PLRG1: variants seen among roughly 807,000 people sequenced by gnomAD.
The protein encoded by PLRG1 is pleiotropic regulator 1.
Under a neutral mutation model 74.9 loss-of-function variants are expected in PLRG1, and 28 were observed. That is an observed-to-expected ratio of 0.37 (90% CI 0.28 to 0.51). The LOEUF is 0.51. Among genes scored for constraint, PLRG1 ranks in the 20% least tolerant of loss-of-function variants. The pLI, the probability that PLRG1 is intolerant of heterozygous loss-of-function variation, is 0.91. For missense variants in PLRG1, 445 were observed against 631.9 expected (o/e 0.70, Z 3.17); for synonymous variants, 197 against 212.4 (o/e 0.93, Z 0.63).
chr4:154,549,457 T>A lies in PLRG1; in HGVS notation c.10-522A>T, dbSNP rs1369033086. Among the ~76,000 whole-genome samples, 3 of 152,166 alleles carry A rather than the reference T, an allele frequency of 2.0e-5. No individual in the cohort carries two copies. The East Asian group carries it at 5.8e-4, about 29-fold the overall frequency. On this transcript the variant is annotated intron_variant, in intron 1 of 14. Coordinates refer to ENST00000499023, the MANE Select transcript of PLRG1 (RefSeq NM_002669.4). ...AGAACGAACCAGGCTGATGGAAATGTCATGTAAAAAAAAGTTCAGTTAACT... is the reference window on the plus strand; with the variant it reads ...AGAACGAACCAGGCTGATGGAAATGACATGTAAAAAAAAGTTCAGTTAACT...
At chr4:154,548,992 A>G in intron 1 of PLRG1, 57 bp from the exon 2 acceptor site, 2 of 1,000,662 alleles carry the variant, frequency 2.0e-6, no homozygotes, top group Non-Finnish European at 1.6e-6. Flanking sequence ...ATCATAACCT[A>G]AAGTCAGATT....
At chr4:154,546,770 C>G in intron 4 of PLRG1, 1 of 527,204 alleles carries the variant, frequency 1.9e-6, no homozygotes, top group Non-Finnish European at 3.4e-6. Context: ...AATAACTAGG[C>G]CTGCAACAGT....
rs1729556032 is a variant in PLRG1, at chr4:154,541,542, A to G, written c.688-608T>C. Among the ~76,000 whole-genome samples the G allele has an allele frequency of 3.9e-5, 6 of 152,174 alleles. No individual in the cohort carries two copies. In the South Asian group the frequency reaches 1.2e-3, roughly 31 times the overall value. ...ATACAGAAAAAGTCTTATATACAAA[A>G]CTTAACAGCATTACTTGTAATGGTG... is the stretch of plus-strand genomic sequence containing the variant. On this transcript the variant is annotated intron_variant, in intron 8 of 14. Transcript: ENST00000499023.
chr4:154,548,763 T>C (rs938175604), intron 2 of PLRG1, 66 bp downstream of exon 2: 1 of 819,594 alleles, frequency 1.2e-6, no homozygotes, highest in Non-Finnish European at 2.1e-6. Flanking sequence ...TCCCTCTCCC[T>C]GCTCTCTTCC....
Position 154,536,478 on chromosome 4 carries a change from C to A in PLRG1, c.*207G>T, listed in dbSNP as rs11943987. The A allele has an allele frequency of 5.4e-3, 2,783 of 511,456 alleles. 53 individuals carry two copies. The highest frequency in any genetic ancestry group is 0.049 in the African/African-American group (2,476 of 50,592). The allele number at this position is 511,456 out of a possible 1,614,324, so 31.7% of individuals were successfully genotyped here. On this transcript the variant is annotated 3_prime_UTR_variant, in exon 15 of 15. Coordinates refer to ENST00000499023, the MANE Select transcript of PLRG1 (RefSeq NM_002669.4). The stretch of plus-strand genomic sequence containing the variant: ...CTTGATATCTGCATCTTCCTAGTAT[C>A]ACAAATTGTTTTAGAAATAAAAACA...
At chr4:154,537,588 T>C (rs1252626225) in intron 13 of PLRG1, 109 bp from the exon 14 acceptor site, 2 of 703,976 alleles carry the variant, frequency 2.8e-6, no homozygotes, top group Non-Finnish European at 4.7e-6. Context: ...GTTATAAAAA[T>C]ACATAAGACA....
chr4:154,548,705 C>A, intron 2 of PLRG1, 124 bp downstream of exon 2: 2 of 587,834 alleles, frequency 3.4e-6, no homozygotes, highest in Non-Finnish European at 6.1e-6. Context: ...GCCAAAACAC[C>A]ACTCATTATT....
intron 12 of PLRG1, among the ~76,000 whole-genome samples, chr4:154,538,526 G>A (rs1422600552): frequency 2.0e-5 from 3 of 151,738 alleles, no homozygotes; most frequent in African/African-American, 7.3e-5. Context: ...AGGCGAAATG[G>A]GAGTGAGAAA....
chr4:154,536,546 C>A lies in PLRG1; in HGVS notation c.*139G>T. The A allele has an allele frequency of 1.6e-6, 1 of 636,584 alleles. No individual in the cohort carries two copies. The allele number at this position is 636,584 out of a possible 1,614,324, so 39.4% of individuals were successfully genotyped here. A position where few individuals can be genotyped will look rare whatever the true frequency, so the allele number is the denominator to read the frequency against. On this transcript the variant is annotated 3_prime_UTR_variant, in exon 15 of 15. Coordinates refer to ENST00000499023, the MANE Select transcript of PLRG1 (RefSeq NM_002669.4). ...GGACAGTTTATTGTAAAATATGAAG[C>A]AGCAATGATTGAAGCAAGTGAATTT... is the stretch of plus-strand genomic sequence containing the variant.
At chr4:154,543,022 G>C (rs567212068) in intron 7 of PLRG1, among the ~76,000 whole-genome samples, 1 of 152,140 alleles carries the variant, frequency 6.6e-6, no homozygotes, top group East Asian at 1.9e-4. Flanking sequence ...GCACAATAGA[G>C]TGACTACAGT....
intron 6 of PLRG1, among the ~76,000 whole-genome samples, chr4:154,544,925 TCATTTTAA>T (rs1181734606): frequency 6.6e-6 from 1 of 152,236 alleles, no homozygotes; most frequent in African/African-American, 2.4e-5. Flanking sequence ...AATATTAAAG[TCATTTTAA>T]GTGTATTAGT....
rs551201192 is a variant in PLRG1 at position 154,548,918 on chromosome 4, A to G, written c.27T>C (p.Ser9=). 1.3e-6 allele frequency: 2 copies of G among 1,598,784 alleles called. No individual in the cohort carries two copies. Among genetic ancestry groups the G allele is most frequent in the Admixed American group, 1.7e-5 (1 of 59,996 alleles). ...ACGACCTGAACACAAGGGTGTGTAC[A>G]GAATGTTTCTGTACCTCCTAAAAAA... MVEEVQKH[S]VHTLVFRSLK... Residue 9 remains serine, a synonymous_variant, in exon 2 of 15, where the codon TCT becomes TCC. Transcript: ENST00000499023.
Position 154,537,191 on chromosome 4 carries a change from T to C in PLRG1, c.1485+95A>G, listed in dbSNP as rs556665387. The C allele has an allele frequency of 5.8e-5, 42 of 719,824 alleles. 1 individual carries two copies. The South Asian group carries it at 7.5e-4, about 13-fold the overall frequency. 44.6% of individuals were successfully genotyped at this position (719,824 alleles called of 1,614,324 possible). ...TCAAGAAGACAGATATCTTAAATACTATAAAGATTATTTTTCCTTCTGATA... is the reference window on the plus strand; with the variant it reads ...TCAAGAAGACAGATATCTTAAATACCATAAAGATTATTTTTCCTTCTGATA... On this transcript the variant is annotated intron_variant, in intron 14 of 14. Transcript: ENST00000499023.
intron 12 of PLRG1, among the ~76,000 whole-genome samples, chr4:154,538,583 T>C (rs1224185477): frequency 1.3e-5 from 2 of 150,118 alleles, no homozygotes; most frequent in Admixed American, 6.6e-5. Flanking sequence ...GTATGGAGAG[T>C]AGAAGACAGA....
chr4:154,540,385 G>A lies in PLRG1; in HGVS notation c.939+209C>T, dbSNP rs949831267. On this transcript the variant is annotated intron_variant, in intron 10 of 14. Transcript: ENST00000499023. ...TGAGAATATCACATTTCAGGGGCAG[G>A]GCACTAATAACACTAACATGGTGAG... 1.7e-5 allele frequency: 10 copies of A among 587,710 alleles called. No individual in the cohort carries two copies. The South Asian group carries it at 1.8e-4, about 10-fold the overall frequency. 36.4% of individuals were successfully genotyped at this position (587,710 alleles called of 1,614,324 possible). A position where few individuals can be genotyped will look rare whatever the true frequency, so the allele number is the denominator to read the frequency against.
At chr4:154,544,137 T>C (rs1729606041) in intron 7 of PLRG1, 2 of 189,642 alleles carry the variant, frequency 1.1e-5, no homozygotes, top group African/African-American at 4.7e-5. Flanking sequence ...TTATATGGTG[T>C]TTTTCCCCTT....
At chr4:154,538,394 A>G (rs751534522) in intron 12 of PLRG1, among the ~76,000 whole-genome samples, 6 of 152,044 alleles carry the variant, frequency 3.9e-5, no homozygotes, top group East Asian at 1.9e-4. Flanking sequence ...CAGAAGCCCT[A>G]TTTCACATGA....
intron 9 of PLRG1, 26 bp downstream of exon 9, chr4:154,540,758 GT>G (rs1450708104): frequency 7.4e-6 from 12 of 1,610,740 alleles, no homozygotes; most frequent in Admixed American, 3.3e-5. Context: ...AGTTCACAAT[GT>G]TTTAAATCCT....
At chr4:154,542,818 G>A (rs1019364552) in intron 7 of PLRG1, among the ~76,000 whole-genome samples, 17 of 152,244 alleles carry the variant, frequency 1.1e-4, no homozygotes, top group Admixed American at 3.3e-4. Context: ...TCTCATATAC[G>A]GGAGCTAAAA....
Sources: gnomAD v4.1 joint callset for allele counts (sites outside exome capture counted in the v4.1 genomes callset) on GRCh38, gnomAD v4.1.1 for gene constraint, MANE v1.5 for transcripts, NCBI Gene and HGNC (gene_info 2026-07-23, HGNC 2026-07-21) for gene names.